Variants in KIF26B observed in about 807,000 individuals in gnomAD.
KIF26B encodes kinesin family member 26B, also known as kinesin-like protein KIF26B.
KIF26B carries 63 observed loss-of-function variants against 151.2 expected under a neutral mutation model. That is an observed-to-expected ratio of 0.42 (90% confidence interval 0.34 to 0.51). The LOEUF (loss-of-function observed/expected upper bound fraction) is 0.51, where lower values mean the gene tolerates loss of function less well. Among genes scored for constraint, KIF26B ranks in the 20% least tolerant of loss-of-function variants. The pLI is 0.07. For synonymous variants in KIF26B, 1,357 were observed against 1,262.1 expected (o/e 1.08, Z -1.59); for missense variants, 2,813 against 2,913.6 (o/e 0.97, Z 0.79).
At chr1:245,534,544 A>C (rs1572110793) in intron 4 of KIF26B, among the ~76,000 whole-genome samples, 1 of 152,282 alleles carries the variant, frequency 6.6e-6, no homozygotes, top group East Asian at 1.9e-4. Context: ...AGGCACAGAT[A>C]ATTATATGAA....
In KIF26B at chr1:245,686,841, C is replaced by T. The variant is rs199903097; in HGVS notation, c.3858C>T (p.Ser1286=). The T allele has an allele frequency of 7.0e-5, 113 of 1,613,556 alleles. No individual in the cohort carries two copies. The highest frequency in any genetic ancestry group is 4.1e-4 in the African/African-American group (31 of 75,056). Residue 1286 remains serine, a synonymous_variant, in exon 12 of 15, where the codon AGC becomes AGT. Coordinates refer to ENST00000407071, the MANE Select transcript of KIF26B (RefSeq NM_018012.4). This position sits in a 1 kb window ranked among gnomAD's most constrained non-coding sequence, Gnocchi z 5.6. ...TCAGCTCCTGGCTGAGCGAGATGAGCGCGGGCAGTGAGGGTGAGCAGTCGT... is the reference window on the plus strand; with the variant it reads ...TCAGCTCCTGGCTGAGCGAGATGAGTGCGGGCAGTGAGGGTGAGCAGTCGT... ...SSISSWLSEM[S]AGSEGEQSCH...
At chr1:245,522,392 C>T (rs1223878828) in intron 4 of KIF26B, among the ~76,000 whole-genome samples, 1 of 152,230 alleles carries the variant, frequency 6.6e-6, no homozygotes, top group Admixed American at 6.5e-5. Context: ...CACATGCTCT[C>T]TAAGTGCCTC....
chr1:245,442,432 T>A (rs796268700), intron 4 of KIF26B, among the ~76,000 whole-genome samples: 2 of 152,148 alleles, frequency 1.3e-5, no homozygotes, highest in South Asian at 4.1e-4. Flanking sequence ...CAGAAGCAGA[T>A]CTTGATGAAG....
At chr1:245,616,658 A>G (rs2043593364) in intron 9 of KIF26B, among the ~76,000 whole-genome samples, 1 of 152,164 alleles carries the variant, frequency 6.6e-6, no homozygotes, top group South Asian at 2.1e-4. Context: ...CTGCATTTTG[A>G]CTGCAACCCC....
At chr1:245,520,443 T>C (rs547919345) in intron 4 of KIF26B, among the ~76,000 whole-genome samples, 26 of 152,294 alleles carry the variant, frequency 1.7e-4, no homozygotes, top group Admixed American at 1.6e-3. Flanking sequence ...AAGAAACCCA[T>C]ACCAAGAAAT....
chr1:245,408,407 T>G (rs1572047249), intron 3 of KIF26B, among the ~76,000 whole-genome samples: 2 of 141,704 alleles, frequency 1.4e-5, no homozygotes, highest in Admixed American at 7.9e-5. Context: ...TAGGCTGGAG[T>G]GCAGTGGTGC....
intron 2 of KIF26B, among the ~76,000 whole-genome samples, chr1:245,270,435 TTTG>T (rs1670838714): frequency 6.7e-6 from 1 of 149,864 alleles, no homozygotes; most frequent in African/African-American, 2.5e-5. Context: ...TTCCTTTCTT[TTTG>T]TGTTTCTATA....
Position 245,419,693 on chromosome 1 carries a change from G to T in KIF26B, c.1114G>T (p.Val372Leu). 6.2e-7 allele frequency: 1 copy of T among 1,613,652 alleles called. No individual in the cohort carries two copies. The highest frequency in any genetic ancestry group is 2.2e-5 in the East Asian group (1 of 44,854). Residue 372 changes from valine (V) to leucine (L), a missense_variant, in exon 4 of 15, where the codon GTG becomes TTG. Physicochemically the swap from Val to Leu is conservative, Grantham distance 32. Transcript: ENST00000407071. The stretch of plus-strand genomic sequence containing the variant: ...TGTCCCAGCCTCGCAGGGCTCCTGC[G>T]TGGCCAGCGAGACTTCCACAGGCAC... ...CSVPASQGSC[V>L]ASETSTGTSV...
intron 2 of KIF26B, among the ~76,000 whole-genome samples, chr1:245,260,091 G>A (rs941372962): frequency 3.3e-5 from 5 of 152,098 alleles, no homozygotes; most frequent in Non-Finnish European, 4.4e-5. Context: ...GATGGGGTCG[G>A]AGGAGAGCCT....
At chr1:245,642,541 A>G (rs554067354) in intron 9 of KIF26B, among the ~76,000 whole-genome samples, 33 of 132,582 alleles carry the variant, frequency 2.5e-4, no homozygotes, top group African/African-American at 5.3e-4. Flanking sequence ...AGCCTGGGGG[A>G]CAGAGCGAGA....
chr1:245,614,579 T>C (rs1418133418), intron 9 of KIF26B, among the ~76,000 whole-genome samples: 2 of 152,212 alleles, frequency 1.3e-5, no homozygotes, highest in African/African-American at 4.8e-5. Context: ...TGGGGCTGCT[T>C]TTTATGGCTC....
chr1:245,621,539 T>C (rs2043660501), intron 9 of KIF26B, among the ~76,000 whole-genome samples: 1 of 152,310 alleles, frequency 6.6e-6, no homozygotes, highest in African/African-American at 2.4e-5. Context: ...ACTTAAAATA[T>C]TGCATATTAG....
At chr1:245,628,640 C>A (rs2043749050) in intron 9 of KIF26B, among the ~76,000 whole-genome samples, 1 of 152,118 alleles carries the variant, frequency 6.6e-6, no homozygotes, top group South Asian at 2.1e-4. Flanking sequence ...AAACCCATAG[C>A]CAATATCATA....
At chr1:245,685,318 G>A in intron 11 of KIF26B, 87 bp from the exon 12 acceptor site, 1 of 1,135,438 alleles carries the variant, frequency 8.8e-7, no homozygotes, top group Non-Finnish European at 1.2e-6. Context: ...GTGTCGTCAG[G>A]GGCCTTCACC....
intron 2 of KIF26B, among the ~76,000 whole-genome samples, chr1:245,335,246 G>A (rs1288363837): frequency 1.3e-5 from 2 of 152,200 alleles, no homozygotes; most frequent in Non-Finnish European, 2.9e-5. Context: ...GCAAGGCTCA[G>A]CTGACCTCAT....
At chr1:245,291,869 G>A (rs12565505) in intron 2 of KIF26B, among the ~76,000 whole-genome samples, 72,393 of 151,738 alleles carry the variant, frequency 0.48, 17,540 homozygotes, top group East Asian at 0.66. Flanking sequence ...TGTGCAGAAG[G>A]GCCCTGGTGC....
intron 5 of KIF26B, among the ~76,000 whole-genome samples, chr1:245,569,927 A>ATTTTTTTTTTTTTTT (rs869238168): frequency 2.1e-5 from 1 of 47,652 alleles, no homozygotes; most frequent in African/African-American, 8.7e-5. Flanking sequence ...TAAATAGAGA[A>ATTTTTTTTTTTTTTT]TTTTTTTTTT....
At chr1:245,220,005 G>A (rs572479995) in intron 2 of KIF26B, among the ~76,000 whole-genome samples, 1 of 152,244 alleles carries the variant, frequency 6.6e-6, no homozygotes, top group South Asian at 2.1e-4. Context: ...TGCCTTCATA[G>A]GAGACTTGAT....
rs993878516 is a variant in KIF26B at position 245,644,806 on chromosome 1, G to C, written c.2099-1315G>C. Among the ~76,000 whole-genome samples the C allele has an allele frequency of 2.6e-5, 4 of 152,164 alleles. No individual in the cohort carries two copies. The East Asian group carries it at 7.7e-4, about 29-fold the overall frequency. On this transcript the variant is annotated intron_variant, in intron 9 of 14. Coordinates refer to ENST00000407071, the MANE Select transcript of KIF26B (RefSeq NM_018012.4). ...TGAGCCTTGAATAGTTTTCTCACAT[G>C]AATGTTGTGTTAGTCCCTTTTGCAT...
Sources: allele counts gnomAD v4.1 joint callset (sites outside exome capture counted in the v4.1 genomes callset), GRCh38; gene constraint gnomAD v4.1.1; non-coding constraint Gnocchi (gnomAD v3.1); transcripts MANE v1.5; gene names NCBI Gene and HGNC (gene_info 2026-07-23, HGNC 2026-07-21).